Variants in CPAMD8 observed in about 807,000 individuals in gnomAD.
The protein encoded by CPAMD8 is C3 and PZP-like alpha-2-macroglobulin domain-containing protein 8.
In CPAMD8, 146 loss-of-function variants were observed where a neutral mutation model predicts 224.7. The ratio of observed to expected loss-of-function variants is 0.65; its 90% CI spans 0.57 to 0.75. The LOEUF (loss-of-function observed/expected upper bound fraction) is 0.75, where lower values mean the gene tolerates loss of function less well. Among genes scored for constraint, CPAMD8 ranks in the 30% least tolerant of loss-of-function variants. CPAMD8 has a pLI of 0.00. For synonymous variants in CPAMD8, 966 were observed against 1,044.6 expected (o/e 0.92, Z 1.45); for missense variants, 2,301 against 2,537.5 (o/e 0.91, Z 2.00).
At chr19:16,903,178 C>T (rs930262590) in intron 34 of CPAMD8, among the ~76,000 whole-genome samples, 12 of 151,922 alleles carry the variant, frequency 7.9e-5, no homozygotes, top group African/African-American at 2.7e-4. Flanking sequence ...CGGAGGCTAG[C>T]GAGAGTCATC....
At chr19:16,970,818 G>A in intron 18 of CPAMD8, 73 bp downstream of exon 18, 12 of 1,397,676 alleles carry the variant, frequency 8.6e-6, no homozygotes, top group African/African-American at 1.4e-5. Context: ...TAGCAGCCAG[G>A]AAGGACAAAG....
chr19:16,961,303 T>C (rs2122514964), intron 18 of CPAMD8, among the ~76,000 whole-genome samples: 1 of 152,338 alleles, frequency 6.6e-6, no homozygotes, highest in East Asian at 1.9e-4. Flanking sequence ...AACAGGACAC[T>C]CTCGCCCAAA....
In CPAMD8 at chr19:16,899,454, A is replaced by T; in HGVS notation, c.4848+21T>A. ...CATGCACACCAGGGAAGCCTCCTCC[A>T]CCAACCCCGGCTGGTGGTACCTCAT... On this transcript the variant is annotated intron_variant, in intron 37 of 41. Transcript: ENST00000443236. The surrounding 1 kb of genome is among the most constrained non-coding windows in gnomAD (Gnocchi z 5.4). 1.5e-6 allele frequency: 2 copies of T among 1,309,890 alleles called. No homozygotes were observed. The highest frequency in any genetic ancestry group is 2.2e-6 in the Non-Finnish European group (2 of 903,124). 81.1% of individuals were successfully genotyped at this position (1,309,890 alleles called of 1,614,324 possible). A position where few individuals can be genotyped will look rare whatever the true frequency, so the allele number is the denominator to read the frequency against.
chr19:16,937,063 G>GCCTGCCTTCCTTCCTTCCTTCCTT (rs2053713001), intron 23 of CPAMD8, among the ~76,000 whole-genome samples: 2 of 132,066 alleles, frequency 1.5e-5, no homozygotes, highest in African/African-American at 5.7e-5. Context: ...CTTCCCTCCT[G>GCCTGCCTTCCTTCCTTCCTTCCTT]CCTTCCTTCC....
chr19:17,019,209 C>T (rs925208062), intron 3 of CPAMD8, among the ~76,000 whole-genome samples: 3 of 150,940 alleles, frequency 2.0e-5, no homozygotes, highest in African/African-American at 4.9e-5. Flanking sequence ...CTGCAACCTC[C>T]GTCCCATGGG....
At chr19:17,017,925 G>A (rs1001446516) in intron 3 of CPAMD8, among the ~76,000 whole-genome samples, 1 of 151,846 alleles carries the variant, frequency 6.6e-6, no homozygotes, top group Non-Finnish European at 1.5e-5. Flanking sequence ...CCCAGCTACT[G>A]GGGAGGCTGA....
Position 16,899,546 on chromosome 19 carries a change from G to A in CPAMD8, c.4777C>T (p.Leu1593Phe), listed in dbSNP as rs776683737. ...RADIESLEQL[L>F]LDKHMGMKRY... is the part of the protein sequence containing the mutation. Reference sequence around the variant, plus strand: ...TTCATCCCCATGTGCTTGTCAAGGAGCAGCTGCAGAGGAAGCCAGAAGTCA... The same window carrying A: ...TTCATCCCCATGTGCTTGTCAAGGAACAGCTGCAGAGGAAGCCAGAAGTCA... Residue 1593 changes from leucine (L) to phenylalanine (F), a missense_variant, in exon 37 of 42, where the codon CTC becomes TTC. Coordinates refer to ENST00000443236, the MANE Select transcript of CPAMD8 (RefSeq NM_015692.5). This position sits in a 1 kb window ranked among gnomAD's most constrained non-coding sequence, Gnocchi z 5.4. The A allele has an allele frequency of 4.6e-6, 7 of 1,522,562 alleles. No homozygotes were observed. Among genetic ancestry groups the A allele is most frequent in the South Asian group, 2.2e-5 (2 of 89,326 alleles). 94.3% of individuals were successfully genotyped at this position (1,522,562 alleles called of 1,614,324 possible).
chr19:16,916,411 A>T (rs983373572), intron 27 of CPAMD8, among the ~76,000 whole-genome samples: 2 of 151,718 alleles, frequency 1.3e-5, no homozygotes, highest in Admixed American at 1.3e-4. Context: ...CACCATGCCC[A>T]GCTAATATTT....
chr19:16,957,690 G>C, intron 19 of CPAMD8, 163 bp downstream of exon 19: 1 of 690,738 alleles, frequency 1.4e-6, no homozygotes, highest in Non-Finnish European at 2.5e-6. Context: ...GGGACTCAAG[G>C]CTGGCTTCAT....
intron 11 of CPAMD8, 92 bp downstream of exon 11, chr19:16,997,019 T>C: frequency 1.2e-6 from 1 of 805,420 alleles, no homozygotes; most frequent in Admixed American, 1.9e-5. Context: ...GGATCCGTTT[T>C]CAGCTGAGTC....
At chr19:16,943,018 T>C (rs1004076583) in intron 22 of CPAMD8, among the ~76,000 whole-genome samples, 4 of 150,128 alleles carry the variant, frequency 2.7e-5, no homozygotes, top group African/African-American at 4.9e-5. Context: ...TTTCTTTTTT[T>C]TTTTTTTGAG....
intron 25 of CPAMD8, among the ~76,000 whole-genome samples, chr19:16,926,149 G>A (rs2053350338): frequency 6.6e-6 from 1 of 151,852 alleles, no homozygotes; most frequent in African/African-American, 2.4e-5. Flanking sequence ...TATGGAGTTG[G>A]AGGTGCATTT....
chr19:16,897,338 C>T, intron 39 of CPAMD8: 1 of 291,464 alleles, frequency 3.4e-6, no homozygotes, highest in Non-Finnish European at 6.1e-6. Context: ...TCCCCCTCGC[C>T]GCTCGACCCC....
rs368128896 is a variant in CPAMD8 at position 16,902,313 on chromosome 19, G to A, written c.4685+336C>T. Reference sequence around the variant, plus strand: ...GGGCAGATCACGAGGTCAGGAGTTCGAGACCAGCCTGGCCAACATGGTGAA... The same window carrying A: ...GGGCAGATCACGAGGTCAGGAGTTCAAGACCAGCCTGGCCAACATGGTGAA... On this transcript the variant is annotated intron_variant, in intron 35 of 41. Coordinates refer to ENST00000443236, the MANE Select transcript of CPAMD8 (RefSeq NM_015692.5). Among the ~76,000 whole-genome samples, 73 of 152,032 alleles carry A rather than the reference G, an allele frequency of 4.8e-4. 2 individuals carry two copies. The highest frequency in any genetic ancestry group is 2.3e-3 in the East Asian group (12 of 5,180).
intron 34 of CPAMD8, 82 bp downstream of exon 34, chr19:16,903,479 C>G: frequency 6.3e-7 from 1 of 1,594,056 alleles, no homozygotes; most frequent in South Asian, 1.1e-5. Flanking sequence ...TCTGGGGGTC[C>G]CTGGGGTTCC....
intron 7 of CPAMD8, among the ~76,000 whole-genome samples, chr19:17,005,095 G>A (rs569266502): frequency 1.4e-5 from 2 of 148,114 alleles, no homozygotes; most frequent in East Asian, 4.0e-4. Context: ...TGTAAACTGA[G>A]GGGTGCTGAC....
At chr19:16,971,138 C>T in intron 17 of CPAMD8, 105 bp from the exon 18 acceptor site, 3 of 979,798 alleles carry the variant, frequency 3.1e-6, no homozygotes, top group South Asian at 3.6e-5. Context: ...CCAATATCAG[C>T]TTGTGGCAAC....
At chr19:16,942,939 T>C (rs1358985025) in intron 22 of CPAMD8, among the ~76,000 whole-genome samples, 1 of 152,186 alleles carries the variant, frequency 6.6e-6, no homozygotes, top group Non-Finnish European at 1.5e-5. Flanking sequence ...TTGCCTGTTC[T>C]GGGCATTTCA....
At chr19:17,004,593 C>T (rs771571324) in intron 7 of CPAMD8, among the ~76,000 whole-genome samples, 2 of 151,966 alleles carry the variant, frequency 1.3e-5, no homozygotes, top group Non-Finnish European at 2.9e-5. Flanking sequence ...CGGCGGGCTT[C>T]GAAGGGATGC....
Sources: allele counts gnomAD v4.1 joint callset (sites outside exome capture counted in the v4.1 genomes callset), GRCh38; gene constraint gnomAD v4.1.1; non-coding constraint Gnocchi (gnomAD v3.1); transcripts MANE v1.5; gene names NCBI Gene and HGNC (gene_info 2026-07-23, HGNC 2026-07-21).